Variants in TBK1 observed in about 807,000 individuals in gnomAD.
TBK1 encodes the protein TANK binding kinase 1.
TBK1 carries 37 observed loss-of-function variants against 99.9 expected under a neutral mutation model. The ratio of observed to expected loss-of-function variants is 0.37; its 90% confidence interval spans 0.28 to 0.49. The LOEUF (loss-of-function observed/expected upper bound fraction) is 0.49. Among genes scored for constraint, TBK1 ranks in the 20% least tolerant of loss-of-function variants. The pLI, the probability that TBK1 is intolerant of heterozygous loss-of-function variation, is 0.98. For missense variants in TBK1, 644 were observed against 872.5 expected (o/e 0.74, Z 3.30); for synonymous variants, 258 against 279.8 (o/e 0.92, Z 0.78).
At chr12:64,499,293 C>T (rs2040962592) in intron 20 of TBK1, among the ~76,000 whole-genome samples, 2 of 151,936 alleles carry the variant, frequency 1.3e-5, no homozygotes, top group Admixed American at 1.3e-4. Flanking sequence ...GATCCACTTG[C>T]CTCAGCCTCC....
intron 6 of TBK1, among the ~76,000 whole-genome samples, chr12:64,477,058 T>C (rs2040721365): frequency 6.6e-6 from 1 of 152,230 alleles, no homozygotes; most frequent in Non-Finnish European, 1.5e-5. Context: ...CCATGCTGTT[T>C]TGGTTACCGT....
At position 64,484,010 on chromosome 12, in the gene TBK1, T is replaced by TACACAC. The variant is rs71092971; in HGVS notation, c.993-259_993-254dup. 0.043 allele frequency: 6,705 copies of TACACAC among 155,066 alleles called. 245 individuals are homozygous for TACACAC. Among genetic ancestry groups the TACACAC allele is most frequent in the African/African-American group, 0.099 (3,821 of 38,608 alleles). 9.6% of individuals were successfully genotyped at this position (155,066 alleles called of 1,614,324 possible). On this transcript the variant is annotated intron_variant, in intron 8 of 20. Transcript: ENST00000331710. ...CAACAGAGCGAAACTCTGTCTCACATACACACACACACACACACACACACA... is the reference window on the plus strand; with the variant it reads ...CAACAGAGCGAAACTCTGTCTCACATACACACACACACACACACACACACACACACA...
chr12:64,464,267 T>C, intron 3 of TBK1, 67 bp from the exon 4 acceptor site: 2 of 1,306,444 alleles, frequency 1.5e-6, no homozygotes. Flanking sequence ...TGAAATCAGA[T>C]AAGTACTGGC....
At chr12:64,489,556 GT>G (rs1260465502) in intron 12 of TBK1, among the ~76,000 whole-genome samples, 2 of 149,888 alleles carry the variant, frequency 1.3e-5, no homozygotes, top group Non-Finnish European at 3.0e-5. Flanking sequence ...AAGGCATCAG[GT>G]TTTTTTGTTT....
chr12:64,497,613 G>T (rs766563713), intron 18 of TBK1, 35 bp from the exon 19 acceptor site: 32 of 1,216,990 alleles, frequency 2.6e-5, no homozygotes, highest in South Asian at 5.8e-5. Context: ...TTAATGTGGG[G>T]TTTTTTTCTT....
chr12:64,468,057 G>A lies in TBK1; in HGVS notation c.540+975G>A, dbSNP rs529307840. Among the ~76,000 whole-genome samples, 4 of 151,960 alleles carry A rather than the reference G, an allele frequency of 2.6e-5. No individual in the cohort carries two copies. In the South Asian group the frequency reaches 6.2e-4, roughly 24 times the overall value. On this transcript the variant is annotated intron_variant, in intron 5 of 20. Coordinates refer to ENST00000331710, the MANE Select transcript of TBK1 (RefSeq NM_013254.4). ...TACAAAATTAGCCAGGCATGGTGGC[G>A]CACATCTGTACACCCAGCTACTCAG... is the stretch of plus-strand genomic sequence containing the variant.
At position 64,501,376 on chromosome 12, in the gene TBK1, CTT is replaced by C; in HGVS notation, c.2187_2188del (p.Ter730AlafsTer3). On this transcript the variant is annotated frameshift_variant, in exon 21 of 21. Transcript: ENST00000331710. LOFTEE classifies it high-confidence loss of function. The stretch of plus-strand genomic sequence containing the variant: ...TGGTGGCCTTCGCAACGTTGACTGT[CTT>C]TAGCTTTCTAATAGAAGTTTAAGAA... The part of the protein sequence containing the change: ...MDGGLRNVDC[L>X] The C allele has an allele frequency of 6.2e-7, 1 of 1,613,694 alleles. No homozygotes were observed. Among genetic ancestry groups the C allele is most frequent in the Non-Finnish European group, 8.5e-7 (1 of 1,179,912 alleles).
intron 20 of TBK1, 107 bp from the exon 21 acceptor site, chr12:64,501,223 A>T: frequency 9.5e-7 from 1 of 1,050,164 alleles, no homozygotes; most frequent in South Asian, 1.4e-5. Flanking sequence ...AAACTCTTTA[A>T]AAATAAATAG....
chr12:64,480,140 A>G lies in TBK1; in HGVS notation c.812+18A>G, dbSNP rs367616271. 179 of 1,579,320 alleles carry G rather than the reference A, an allele frequency of 1.1e-4. No homozygotes were observed. The African/African-American group carries it at 2.2e-3, about 19-fold the overall frequency. On this transcript the variant is annotated intron_variant, in intron 7 of 20. Transcript: ENST00000331710. ...CTTTCTCGGTAAGTATGGTGTACCT[A>G]ATTCTCATCTTTTGCACTTTGGTGT...
chr12:64,460,835 A>C (rs1443653758), intron 3 of TBK1, among the ~76,000 whole-genome samples: 4 of 150,114 alleles, frequency 2.7e-5, no homozygotes, highest in Non-Finnish European at 5.9e-5. Flanking sequence ...TCCATCTCAA[A>C]AAAAAAAAAA....
chr12:64,495,880 G>GT, intron 15 of TBK1, 105 bp downstream of exon 15: 2 of 639,190 alleles, frequency 3.1e-6, no homozygotes, highest in Non-Finnish European at 4.6e-6. Context: ...TTCTTAAGCT[G>GT]TTTTTTTCAG....
chr12:64,473,815 T>C (rs1420619655), intron 5 of TBK1, among the ~76,000 whole-genome samples: 1 of 152,120 alleles, frequency 6.6e-6, no homozygotes, highest in Non-Finnish European at 1.5e-5. Context: ...CAAGCACTTG[T>C]AGTCCCAGCT....
At chr12:64,477,575 G>A (rs2040726997) in intron 6 of TBK1, among the ~76,000 whole-genome samples, 1 of 152,142 alleles carries the variant, frequency 6.6e-6, no homozygotes, top group South Asian at 2.1e-4. Flanking sequence ...GGTTTTCTAG[G>A]TTTAGAATCA....
At chr12:64,472,779 G>C (rs2040675019) in intron 5 of TBK1, among the ~76,000 whole-genome samples, 1 of 152,088 alleles carries the variant, frequency 6.6e-6, no homozygotes, top group Admixed American at 6.5e-5. Flanking sequence ...TAGCTGATGA[G>C]CTATTTTAAA....
At chr12:64,470,436 G>A (rs2040651175) in intron 5 of TBK1, among the ~76,000 whole-genome samples, 1 of 152,168 alleles carries the variant, frequency 6.6e-6, no homozygotes. Flanking sequence ...TACAAGTGCA[G>A]TGATAACTCA....
chr12:64,466,460 T>C (rs2040605735), intron 4 of TBK1, among the ~76,000 whole-genome samples: 1 of 152,146 alleles, frequency 6.6e-6, no homozygotes. Context: ...TTTGCTGTTT[T>C]ACATATTGAG....
At chr12:64,454,613 G>T (rs1247802581) in intron 1 of TBK1, among the ~76,000 whole-genome samples, 1 of 128,164 alleles carries the variant, frequency 7.8e-6, no homozygotes, top group South Asian at 2.8e-4. Context: ...ATTGGTTAAT[G>T]TTTTTTTTTT....
rs971860967 is a variant in TBK1 at position 64,474,283 on chromosome 12, T to C, written c.594T>C (p.Tyr198=). Residue 198 remains tyrosine (Y), a synonymous_variant, in exon 6 of 21, where the codon TAT becomes TAC. Coordinates refer to ENST00000331710, the MANE Select transcript of TBK1 (RefSeq NM_013254.4). The part of the protein sequence containing the change: ...AVLRKDHQKK[Y]GATVDLWSIG... ...TAAGAAAAGATCATCAGAAGAAATA[T>C]GGAGCAACAGTTGATCTTTGGAGCA... The C allele has an allele frequency of 5.6e-6, 9 of 1,613,866 alleles. No homozygotes were observed. Among genetic ancestry groups the C allele is most frequent in the Non-Finnish European group, 6.8e-6 (8 of 1,180,000 alleles).
At chr12:64,496,309 A>G (rs2040924216) in intron 15 of TBK1, 58 bp from the exon 16 acceptor site, 4 of 835,400 alleles carry the variant, frequency 4.8e-6, no homozygotes, top group Non-Finnish European at 7.2e-6. Context: ...AAGAAAATAC[A>G]TTGTGTATAA....
Sources: allele counts gnomAD v4.1 joint callset (sites outside exome capture counted in the v4.1 genomes callset), GRCh38; gene constraint gnomAD v4.1.1; transcripts MANE v1.5; gene names NCBI Gene and HGNC (gene_info 2026-07-23, HGNC 2026-07-21).